C19orf47: variants seen among roughly 807,000 people sequenced by gnomAD.
C19orf47 encodes uncharacterized protein C19orf47.
C19orf47 carries 18 observed loss-of-function variants against 32.3 expected under a neutral mutation model. The ratio of observed to expected loss-of-function variants is 0.56; its 90% confidence interval spans 0.39 to 0.83. The LOEUF is 0.83. Ranked by LOEUF, C19orf47 falls within the 40% of genes least tolerant of loss-of-function variation. The probability of loss-of-function intolerance (pLI) is 0.00; values close to 1 mark genes in which losing one functional copy is unlikely to be tolerated. For synonymous variants in C19orf47, 202 were observed against 211.1 expected (o/e 0.96, Z 0.37); for missense variants, 484 against 531.6 (o/e 0.91, Z 0.88).
chr19:40,323,863 G>A, intron 8 of C19orf47, 143 bp downstream of exon 8: 1 of 1,030,960 alleles, frequency 9.7e-7, no homozygotes. Context: ...AAAGCCGCCA[G>A]TGCAAAGCCA....
intron 1 of C19orf47, among the ~76,000 whole-genome samples, chr19:40,347,520 G>A (rs1275353916): frequency 6.6e-6 from 1 of 151,254 alleles, no homozygotes; most frequent in East Asian, 1.9e-4. Flanking sequence ...CAACAAGAGC[G>A]AAACTCCGTC....
chr19:40,336,018 T>C, intron 4 of C19orf47, 92 bp downstream of exon 4: 1 of 1,173,022 alleles, frequency 8.5e-7, no homozygotes, highest in Non-Finnish European at 1.2e-6. Flanking sequence ...TGGGTCGGCC[T>C]GCCTCTGCTG....
intron 6 of C19orf47, among the ~76,000 whole-genome samples, chr19:40,327,881 A>G (rs568102345): frequency 4.6e-5 from 7 of 152,316 alleles, no homozygotes; most frequent in African/African-American, 1.7e-4. Context: ...GCGATGCAAG[A>G]GATGAATCTA....
intron 1 of C19orf47, among the ~76,000 whole-genome samples, chr19:40,346,727 C>T (rs2078299538): frequency 6.6e-6 from 1 of 151,680 alleles, no homozygotes; most frequent in Admixed American, 6.6e-5. Context: ...GGGGTTTCAC[C>T]GTGTTAGCCA....
chr19:40,332,138 G>T (rs928857061), intron 5 of C19orf47, among the ~76,000 whole-genome samples: 1 of 150,450 alleles, frequency 6.6e-6, no homozygotes, highest in African/African-American at 2.5e-5. Flanking sequence ...CAGGTGGATC[G>T]TTTGAAGTCA....
At chr19:40,334,020 C>T (rs985885132) in intron 4 of C19orf47, 91 bp from the exon 5 acceptor site, 67 of 924,958 alleles carry the variant, frequency 7.2e-5, no homozygotes, top group Non-Finnish European at 9.1e-5. Context: ...CAACACCTGA[C>T]TGCTAGAGAA....
chr19:40,326,381 G>T lies in C19orf47; in HGVS notation c.545C>A (p.Thr182Asn). 2 of 1,614,226 alleles carry T rather than the reference G, an allele frequency of 1.2e-6. No individual in the cohort carries two copies. The highest frequency in any genetic ancestry group is 1.7e-6 in the Non-Finnish European group (2 of 1,180,046). The change falls in exon 7 of 9, where the codon ACC (threonine) becomes AAC (asparagine). Residue 182 changes from threonine to asparagine, a missense_variant. Physicochemically the swap from Thr to Asn is moderately conservative, Grantham distance 65. Coordinates refer to ENST00000683109, the MANE Select transcript of C19orf47 (RefSeq NM_001256441.2). ...CAGGATCTTGCGGGTGCGGGGTGTG[G>T]TGCCTTTGGGCATGTTGATGACGTA... Reference protein sequence around the residue: ...GKYVINMPKGTTPRTRKILEQ... With the variant: ...GKYVINMPKGNTPRTRKILEQ...
the C19orf47 span, among the ~76,000 whole-genome samples, chr19:40,300,396 C>T: frequency 1.3e-5 from 2 of 151,596 alleles, no homozygotes; most frequent in Non-Finnish European, 2.9e-5. Flanking sequence ...ACCCAGGAGG[C>T]GGAGGTTGCA....
chr19:40,337,836 C>G (rs1190762684), intron 2 of C19orf47, among the ~76,000 whole-genome samples: 8 of 152,000 alleles, frequency 5.3e-5, no homozygotes, highest in African/African-American at 1.9e-4. Context: ...AGCTCATGTC[C>G]TTAGGATTTC....
At chr19:40,296,880 CT>C in the C19orf47 span, among the ~76,000 whole-genome samples, 1 of 151,898 alleles carries the variant, frequency 6.6e-6, no homozygotes, top group Non-Finnish European at 1.5e-5. Context: ...CACCATTGTA[CT>C]CCAGCCTGGG....
At chr19:40,299,238 C>A in the C19orf47 span, among the ~76,000 whole-genome samples, 1 of 151,720 alleles carries the variant, frequency 6.6e-6, no homozygotes, top group East Asian at 1.9e-4. Context: ...GCCTTCAAAG[C>A]CTTTTAATAA....
intron 2 of C19orf47, among the ~76,000 whole-genome samples, chr19:40,341,153 G>C (rs2078169634): frequency 6.6e-6 from 1 of 151,958 alleles, no homozygotes; most frequent in Admixed American, 6.6e-5. Flanking sequence ...GGCCAACATG[G>C]TGAAACCCTG....
At chr19:40,308,756 G>A in the C19orf47 span, among the ~76,000 whole-genome samples, 6 of 151,756 alleles carry the variant, frequency 4.0e-5, no homozygotes, top group Non-Finnish European at 8.8e-5. Context: ...GAGCCACCAC[G>A]CCCAGAATAG....
chr19:40,317,663 T>C (rs1272190464), downstream of C19orf47, among the ~76,000 whole-genome samples: 2 of 151,272 alleles, frequency 1.3e-5, no homozygotes, highest in Non-Finnish European at 2.9e-5. Context: ...GACAAGCCAA[T>C]AAGGTTGGTG....
At chr19:40,309,283 C>T in the C19orf47 span, among the ~76,000 whole-genome samples, 2 of 151,664 alleles carry the variant, frequency 1.3e-5, no homozygotes, top group Non-Finnish European at 2.9e-5. Flanking sequence ...CCTCCAACTC[C>T]CAGGTTCAAG....
the C19orf47 span, among the ~76,000 whole-genome samples, chr19:40,300,037 G>A: frequency 3.4e-4 from 52 of 151,878 alleles, no homozygotes; most frequent in Admixed American, 5.3e-4. Flanking sequence ...TGAAAAAAGA[G>A]AGATATTAGA....
At chr19:40,328,835 G>A (rs1169639587) in intron 5 of C19orf47, among the ~76,000 whole-genome samples, 2 of 152,080 alleles carry the variant, frequency 1.3e-5, no homozygotes, top group Admixed American at 1.3e-4. Context: ...CCAGCCTCGT[G>A]CTGAGTTCGC....
At chr19:40,345,777 G>A (rs1194094316) in intron 1 of C19orf47, among the ~76,000 whole-genome samples, 1 of 150,762 alleles carries the variant, frequency 6.6e-6, no homozygotes, top group South Asian at 2.1e-4. Context: ...GGGGCGGGGG[G>A]GGGAGAGGTT....
In C19orf47 at chr19:40,335,679, G is replaced by A. The variant is rs571947631; in HGVS notation, c.222+431C>T. 5.3e-5 allele frequency among the ~76,000 whole-genome samples: 8 copies of A among 150,630 alleles called. No individual in the cohort carries two copies. The South Asian group carries it at 1.0e-3, about 20-fold the overall frequency. ...GGCTGGAGTGCAGTGGTGCGATCTC[G>A]GCTCACTGCAAGCTCCGCCACCCAC... On this transcript the variant is annotated intron_variant, in intron 4 of 8. Transcript: ENST00000683109.
Sources: allele counts gnomAD v4.1 joint callset (sites outside exome capture counted in the v4.1 genomes callset), GRCh38; gene constraint gnomAD v4.1.1; transcripts MANE v1.5; gene names NCBI Gene and HGNC (gene_info 2026-07-23, HGNC 2026-07-21).